The following GRID2 variants were observed in gnomAD, a reference collection of about 807,000 sequenced individuals.
GRID2 encodes glutamate receptor ionotropic, delta-2.
In GRID2, 33 loss-of-function variants were observed where a neutral mutation model predicts 114.8. The observed-to-expected ratio is 0.29, with a 90% CI of 0.22 to 0.38. GRID2 has a LOEUF of 0.38. Ranked by LOEUF, GRID2 falls within the 10% of genes least tolerant of loss-of-function variation. The pLI, the probability that GRID2 is intolerant of heterozygous loss-of-function variation, is 1.00. For missense variants in GRID2, 1,184 were observed against 1,257.7 expected, an observed-to-expected ratio of 0.94 and a Z score of 0.89; for synonymous variants, 505 against 449.9, an observed-to-expected ratio of 1.12 and a Z score of -1.55.
chr4:93,401,011 T>C (rs1765828542), intron 9 of GRID2, among the ~76,000 whole-genome samples: 1 of 151,988 alleles, frequency 6.6e-6, no homozygotes, highest in Non-Finnish European at 1.5e-5. Flanking sequence ...TAATTTATTT[T>C]TCGTAGAGAC....
chr4:93,499,595 G>C lies in GRID2; in HGVS notation c.1997+8818G>C, dbSNP rs150939680. 3.3e-5 allele frequency among the ~76,000 whole-genome samples: 5 copies of C among 151,724 alleles called. No individual in the cohort carries two copies. The East Asian group carries it at 9.8e-4, about 30-fold the overall frequency. ...TCACTCAAAACCCCCTTCTCTTCCG[G>C]TATCTTCCATTTTCCCAGGCAGAAT... On this transcript the variant is annotated intron_variant, in intron 12 of 15. Transcript: ENST00000282020.
rs987483213 is a variant in GRID2 at position 92,963,127 on chromosome 4, G to A, written c.245-121868G>A. 1.3e-4 allele frequency among the ~76,000 whole-genome samples: 20 copies of A among 152,064 alleles called. No homozygotes were observed. In the East Asian group the frequency reaches 1.4e-3, roughly 10 times the overall value. On this transcript the variant is annotated intron_variant, in intron 2 of 15. Coordinates refer to ENST00000282020, the MANE Select transcript of GRID2 (RefSeq NM_001510.4). Reference sequence around the variant, plus strand: ...GCTAACAATCTTCTGGGCCTTCAGCGTGTCATAATCCTTTTGCTGGTGGAG... The same window carrying A: ...GCTAACAATCTTCTGGGCCTTCAGCATGTCATAATCCTTTTGCTGGTGGAG...
At chr4:93,613,226 A>T (rs1481806350) in intron 13 of GRID2, among the ~76,000 whole-genome samples, 3 of 143,790 alleles carry the variant, frequency 2.1e-5, no homozygotes, top group Non-Finnish European at 4.6e-5. Flanking sequence ...AATTTTTTTC[A>T]AAGTTTTCAA....
At chr4:93,345,560 T>C (rs1400514916) in intron 8 of GRID2, among the ~76,000 whole-genome samples, 2 of 152,062 alleles carry the variant, frequency 1.3e-5, no homozygotes, top group Non-Finnish European at 2.9e-5. Flanking sequence ...GTTTGTACGG[T>C]TTGCAAGTAT....
At chr4:92,535,374 A>G (rs1725565910) in intron 1 of GRID2, among the ~76,000 whole-genome samples, 1 of 152,172 alleles carries the variant, frequency 6.6e-6, no homozygotes, top group African/African-American at 2.4e-5. Flanking sequence ...CCCAAGTGCT[A>G]TGATTAATGC....
intron 2 of GRID2, among the ~76,000 whole-genome samples, chr4:92,911,366 T>C (rs1748368077): frequency 6.6e-6 from 1 of 152,016 alleles, no homozygotes; most frequent in Non-Finnish European, 1.5e-5. Flanking sequence ...TAGAGGGGCA[T>C]TTATAATATA....
intron 4 of GRID2, among the ~76,000 whole-genome samples, chr4:93,203,556 C>T (rs1275942274): frequency 1.3e-5 from 2 of 151,922 alleles, no homozygotes; most frequent in Non-Finnish European, 2.9e-5. Context: ...GAAATCATGC[C>T]ATTATAAAAT....
chr4:92,723,457 A>G (rs1735907968), intron 2 of GRID2, among the ~76,000 whole-genome samples: 1 of 152,180 alleles, frequency 6.6e-6, no homozygotes, highest in South Asian at 2.1e-4. Flanking sequence ...ATGAACAAAA[A>G]AAGGTAGTTT....
At chr4:93,405,580 A>G (rs1224877921) in intron 9 of GRID2, among the ~76,000 whole-genome samples, 1 of 152,194 alleles carries the variant, frequency 6.6e-6, no homozygotes, top group Non-Finnish European at 1.5e-5. Flanking sequence ...AAAGAGATTG[A>G]CAGAGTCATT....
intron 11 of GRID2, among the ~76,000 whole-genome samples, chr4:93,487,495 A>G (rs1311319370): frequency 6.6e-6 from 1 of 151,792 alleles, no homozygotes; most frequent in African/African-American, 2.4e-5. Flanking sequence ...CATCCTATTC[A>G]AAGTACTTTT....
chr4:92,348,461 A>G (rs1246786070), intron 1 of GRID2, among the ~76,000 whole-genome samples: 1 of 152,198 alleles, frequency 6.6e-6, no homozygotes, highest in African/African-American at 2.4e-5. Flanking sequence ...GTTAGGGAAA[A>G]AAGTTGGAAC....
chr4:93,783,129 G>T (rs1049477375), intron 1 of GRID2, among the ~76,000 whole-genome samples: 2 of 152,178 alleles, frequency 1.3e-5, no homozygotes, highest in African/African-American at 4.8e-5. Flanking sequence ...CAAGCAAGTC[G>T]CTAATTTCTG....
intron 14 of GRID2, among the ~76,000 whole-genome samples, chr4:93,722,772 C>G (rs575455655): frequency 6.6e-6 from 1 of 152,188 alleles, no homozygotes; most frequent in Non-Finnish European, 1.5e-5. Flanking sequence ...TTTTATCATA[C>G]ACTAGTTCCT....
At chr4:92,687,888 CAG>C (rs1206383509) in intron 2 of GRID2, among the ~76,000 whole-genome samples, 1 of 151,670 alleles carries the variant, frequency 6.6e-6, no homozygotes, top group Non-Finnish European at 1.5e-5. Flanking sequence ...TTCAGTAAGT[CAG>C]AATCTTTTTG....
intron 8 of GRID2, among the ~76,000 whole-genome samples, chr4:93,355,535 CTT>C (rs1560532845): frequency 6.6e-6 from 1 of 152,042 alleles, no homozygotes; most frequent in Non-Finnish European, 1.5e-5. Flanking sequence ...TGCCAATACT[CTT>C]TAAGACTACA....
intron 1 of GRID2, among the ~76,000 whole-genome samples, chr4:92,466,911 T>C (rs1227895426): frequency 1.3e-5 from 2 of 151,768 alleles, no homozygotes; most frequent in African/African-American, 4.8e-5. Context: ...TTCCTTATTT[T>C]ATATAATGGG....
intron 2 of GRID2, among the ~76,000 whole-genome samples, chr4:92,734,578 C>T (rs903215610): frequency 6.6e-6 from 1 of 152,008 alleles, no homozygotes; most frequent in Non-Finnish European, 1.5e-5. Flanking sequence ...ACCACCTCGC[C>T]CAGCCTTACT....
In GRID2 at chr4:93,455,968, C is replaced by A. The variant is rs769263331; in HGVS notation, c.1852C>A (p.Gln618Lys). 1.1e-5 allele frequency: 17 copies of A among 1,576,984 alleles called. No individual in the cohort carries two copies. Among genetic ancestry groups the A allele is most frequent in the Admixed American group, 5.0e-5 (3 of 59,934 alleles). Reference protein sequence around the residue: ...SMWFVYGSFVQQGGEVPYTTL... With the variant: ...SMWFVYGSFVKQGGEVPYTTL... ...GTGGTTTGTGTATGGATCTTTTGTA[C>A]AACAAGGTAAGGAGCAAAAGTACAT... Residue 618 changes from glutamine (Q) to lysine (K), a missense_variant, in exon 11 of 16, where the codon CAA (glutamine) becomes AAA (lysine). Physicochemically the swap from Gln to Lys is moderately conservative, Grantham distance 53. Coordinates refer to ENST00000282020, the MANE Select transcript of GRID2 (RefSeq NM_001510.4).
rs114411038 is a variant in GRID2 at position 92,393,069 on chromosome 4, G to A, written c.88+88325G>A. Reference sequence around the variant, plus strand: ...GCTTTTACTCATGGGGGAAGGTTAAGTAGAAGCGGGCACTTCACATGGTGA... The same window carrying A: ...GCTTTTACTCATGGGGGAAGGTTAAATAGAAGCGGGCACTTCACATGGTGA... On this transcript the variant is annotated intron_variant, in intron 1 of 15. Transcript: ENST00000282020. Among the ~76,000 whole-genome samples, 342 of 152,282 alleles carry A rather than the reference G, an allele frequency of 2.2e-3. 1 individual carries two copies. Among genetic ancestry groups the A allele is most frequent in the African/African-American group, 8.0e-3 (331 of 41,554 alleles).
Sources: allele counts gnomAD v4.1 joint callset (sites outside exome capture counted in the v4.1 genomes callset), GRCh38; gene constraint gnomAD v4.1.1; transcripts MANE v1.5; gene names NCBI Gene and HGNC (gene_info 2026-07-23, HGNC 2026-07-21).